The following PHF14 variants were observed in gnomAD, a reference collection of about 807,000 sequenced individuals.
PHF14 encodes PHD finger protein 14.
PHF14 carries 55 observed loss-of-function variants against 117.9 expected under a neutral mutation model. That is an observed-to-expected ratio of 0.47 (90% confidence interval 0.38 to 0.58). The LOEUF (loss-of-function observed/expected upper bound fraction) is 0.58, where lower values mean the gene tolerates loss of function less well. PHF14 is among the 20% of genes least tolerant of loss of function. The pLI is 0.00. For missense variants in PHF14, 978 were observed against 1,122.2 expected (o/e 0.87, Z 1.84); for synonymous variants, 409 against 368.6 (o/e 1.11, Z -1.26).
chr7:11,099,412 A>G (rs1281272328), intron 16 of PHF14, among the ~76,000 whole-genome samples: 1 of 152,182 alleles, frequency 6.6e-6, no homozygotes, highest in Non-Finnish European at 1.5e-5. Flanking sequence ...TAAAGAAAAC[A>G]GAAGCCTGAA....
At chr7:10,991,331 C>T (rs1207795561) in intron 4 of PHF14, among the ~76,000 whole-genome samples, 3 of 152,182 alleles carry the variant, frequency 2.0e-5, no homozygotes, top group African/African-American at 7.2e-5. Context: ...GCACGAGCCA[C>T]CATGCCTGGC....
At chr7:11,141,690 T>C (rs1185319398) in intron 17 of PHF14, among the ~76,000 whole-genome samples, 1 of 152,088 alleles carries the variant, frequency 6.6e-6, no homozygotes. Flanking sequence ...AAATTATTAA[T>C]AGTTTCGTGT....
intron 17 of PHF14, among the ~76,000 whole-genome samples, chr7:11,165,514 A>G (rs1789175932): frequency 6.6e-6 from 1 of 152,200 alleles, no homozygotes; most frequent in South Asian, 2.1e-4. Context: ...ATCCTTTTAT[A>G]TAAAGGATTA....
chr7:11,005,052 T>C (rs1583353815), intron 4 of PHF14, among the ~76,000 whole-genome samples: 1 of 152,130 alleles, frequency 6.6e-6, no homozygotes, highest in Non-Finnish European at 1.5e-5. Context: ...TATTGCATTA[T>C]TGGTGATAGT....
intron 16 of PHF14, chr7:11,105,586 T>C: frequency 1.0e-6 from 1 of 984,536 alleles, no homozygotes; most frequent in Non-Finnish European, 1.2e-6. Flanking sequence ...ACTTGGAGTT[T>C]CCTGACATAC....
intron 4 of PHF14, among the ~76,000 whole-genome samples, chr7:10,991,465 G>A (rs796752255): frequency 1.6e-4 from 25 of 151,972 alleles, no homozygotes; most frequent in African/African-American, 5.8e-4. Context: ...GTGAACTACC[G>A]CGCCCGGCCA....
chr7:11,005,389 CTGAT>C (rs147221830), intron 4 of PHF14, among the ~76,000 whole-genome samples: 1,927 of 152,200 alleles, frequency 0.013, 44 homozygotes, highest in East Asian at 0.1. Flanking sequence ...AATCTATTAA[CTGAT>C]TGCTGTTTCT....
At chr7:10,994,109 T>C (rs1233059851) in intron 4 of PHF14, among the ~76,000 whole-genome samples, 1 of 151,686 alleles carries the variant, frequency 6.6e-6, no homozygotes, top group Non-Finnish European at 1.5e-5. Flanking sequence ...CTTAAATATA[T>C]TGGGAACGAG....
chr7:11,014,973 A>G (rs1783484076), intron 5 of PHF14: 1 of 147,350 alleles, frequency 6.8e-6, no homozygotes, highest in African/African-American at 2.6e-5. Context: ...TTTCGTGGAG[A>G]TCACGCTCTG....
chr7:11,000,439 C>T (rs1190874649), intron 4 of PHF14, among the ~76,000 whole-genome samples: 8 of 145,874 alleles, frequency 5.5e-5, no homozygotes, highest in African/African-American at 2.0e-4. Context: ...TCCCAGGTTC[C>T]TGCGATTCTC....
intron 17 of PHF14, among the ~76,000 whole-genome samples, chr7:11,167,572 A>G (rs1789236666): frequency 6.6e-6 from 1 of 152,212 alleles, no homozygotes; most frequent in African/African-American, 2.4e-5. Flanking sequence ...GATACAGAAG[A>G]TAAAACCTTC....
chr7:11,137,050 G>T (rs1788240639), intron 17 of PHF14, among the ~76,000 whole-genome samples: 1 of 152,152 alleles, frequency 6.6e-6, no homozygotes, highest in Non-Finnish European at 1.5e-5. Flanking sequence ...TCTTATGGGG[G>T]CAAAAATGCA....
At chr7:11,168,019 C>CA (rs35327585) in intron 17 of PHF14, among the ~76,000 whole-genome samples, 66,058 of 122,314 alleles carry the variant, frequency 0.54, 16,183 homozygotes, top group East Asian at 0.68. Context: ...GAGTCCGTCT[C>CA]AAAAAAAAAA....
chr7:11,006,753 A>G, intron 4 of PHF14: 1 of 704,160 alleles, frequency 1.4e-6, no homozygotes. Context: ...TGACATGCGG[A>G]TCTTCTTTTT....
chr7:11,051,829 A>G (rs768239274), intron 14 of PHF14, 49 bp downstream of exon 14: 1 of 1,490,424 alleles, frequency 6.7e-7, no homozygotes, highest in South Asian at 1.2e-5. Context: ...CTGAGGCCAA[A>G]ATTTAAGAGA....
chr7:10,985,694 C>T (rs1395027307), intron 3 of PHF14, among the ~76,000 whole-genome samples: 1 of 110,768 alleles, frequency 9.0e-6, no homozygotes, highest in Non-Finnish European at 1.6e-5. Flanking sequence ...ACTCTGTTGC[C>T]TAGGCTGGAG....
At chr7:11,048,476 G>A (rs1212322861) in intron 13 of PHF14, among the ~76,000 whole-genome samples, 1 of 152,158 alleles carries the variant, frequency 6.6e-6, no homozygotes, top group South Asian at 2.1e-4. Context: ...GGAGGCTGAG[G>A]CAGAGAATTG....
At chr7:10,998,536 A>C (rs1412738333) in intron 4 of PHF14, among the ~76,000 whole-genome samples, 6 of 152,234 alleles carry the variant, frequency 3.9e-5, no homozygotes, top group African/African-American at 1.4e-4. Flanking sequence ...ATATATTCAT[A>C]TGAATATGAT....
chr7:11,124,944 A>T (rs966896320), intron 17 of PHF14, among the ~76,000 whole-genome samples: 3 of 152,164 alleles, frequency 2.0e-5, no homozygotes, highest in Non-Finnish European at 4.4e-5. Context: ...AAACACAAAG[A>T]TATTTTAAAA....
Sources: allele counts gnomAD v4.1 joint callset (sites outside exome capture counted in the v4.1 genomes callset), GRCh38; gene constraint gnomAD v4.1.1; transcripts MANE v1.5; gene names NCBI Gene and HGNC (gene_info 2026-07-23, HGNC 2026-07-21).